CNTNAP2: variants seen among roughly 807,000 people sequenced by gnomAD.
The protein encoded by CNTNAP2 is contactin associated protein 2, also known as contactin-associated protein-like 2.
Under a neutral mutation model 155.2 loss-of-function variants are expected in CNTNAP2, and 98 were observed. The observed-to-expected ratio is 0.63, with a 90% CI of 0.54 to 0.75. The LOEUF (loss-of-function observed/expected upper bound fraction) is 0.75. CNTNAP2 is among the 30% of genes least tolerant of loss of function. The pLI is 0.00. For synonymous variants in CNTNAP2, 651 were observed against 631.2 expected (o/e 1.03, Z -0.47); for missense variants, 1,727 against 1,688.1 (o/e 1.02, Z -0.40).
intron 3 of CNTNAP2, among the ~76,000 whole-genome samples, chr7:147,012,069 C>A (rs1455531497): frequency 6.6e-6 from 1 of 152,190 alleles, no homozygotes; most frequent in African/African-American, 2.4e-5. Context: ...TTATGTAAAA[C>A]CATAATGAAA....
chr7:147,683,672 A>C (rs776633193), intron 13 of CNTNAP2, among the ~76,000 whole-genome samples: 2 of 151,668 alleles, frequency 1.3e-5, no homozygotes, highest in Non-Finnish European at 3.0e-5. Flanking sequence ...TACATATGGC[A>C]CATGCATTAT....
chr7:146,755,189 A>C (rs1801974133), intron 1 of CNTNAP2, among the ~76,000 whole-genome samples: 1 of 151,974 alleles, frequency 6.6e-6, no homozygotes, highest in African/African-American at 2.4e-5. Context: ...ATGTTTATTC[A>C]TTCAAAAATA....
chr7:146,684,221 T>C (rs2129170403), intron 1 of CNTNAP2, among the ~76,000 whole-genome samples: 1 of 152,204 alleles, frequency 6.6e-6, no homozygotes, highest in Admixed American at 6.5e-5. Context: ...TTGGCTACCA[T>C]ACCATATTCC....
chr7:146,772,038 G>GT (rs1802301373), intron 1 of CNTNAP2, among the ~76,000 whole-genome samples: 1 of 152,118 alleles, frequency 6.6e-6, no homozygotes, highest in Admixed American at 6.5e-5. Context: ...TCCTACAAAT[G>GT]TTTTTAGAGT....
chr7:148,273,543 A>C (rs1042782941), intron 21 of CNTNAP2, among the ~76,000 whole-genome samples: 2 of 152,214 alleles, frequency 1.3e-5, no homozygotes, highest in Non-Finnish European at 2.9e-5. Flanking sequence ...CATCGCTGTA[A>C]ATCAGAGTAA....
Position 146,646,760 on chromosome 7 carries a change from T to A in CNTNAP2, c.98-127511T>A, listed in dbSNP as rs1240334944. ...GAGTCATCAGTTCTACAAAGATATT[T>A]AACCTGTTCATGATAATCACATGCA... On this transcript the variant is annotated intron_variant, in intron 1 of 23. Coordinates refer to ENST00000361727, the MANE Select transcript of CNTNAP2 (RefSeq NM_014141.6). Among the ~76,000 whole-genome samples the A allele has an allele frequency of 2.0e-5, 3 of 152,190 alleles. No individual in the cohort carries two copies. In the East Asian group the frequency reaches 5.8e-4, roughly 29 times the overall value.
chr7:146,858,083 A>T (rs1795027127), intron 3 of CNTNAP2, among the ~76,000 whole-genome samples: 1 of 152,208 alleles, frequency 6.6e-6, no homozygotes, highest in Non-Finnish European at 1.5e-5. Context: ...AAAGGTGCTA[A>T]GGGCCTTGAC....
intron 2 of CNTNAP2, among the ~76,000 whole-genome samples, chr7:146,823,259 ATTC>A (rs1394902229): frequency 6.7e-6 from 1 of 150,008 alleles, no homozygotes; most frequent in African/African-American, 2.4e-5. Flanking sequence ...AAATATACTC[ATTC>A]TTCAGTATAA....
rs543122912 is a variant in CNTNAP2, at chr7:148,153,436, T to G, written c.2773+5727T>G. On this transcript the variant is annotated intron_variant, in intron 17 of 23. Coordinates refer to ENST00000361727, the MANE Select transcript of CNTNAP2 (RefSeq NM_014141.6). ...GAAAGAAAAAAAGCACTTGCTGGTATTTGTCTGAAAAGTGCAGGAAACTTT... is the reference window on the plus strand; with the variant it reads ...GAAAGAAAAAAAGCACTTGCTGGTAGTTGTCTGAAAAGTGCAGGAAACTTT... Among the ~76,000 whole-genome samples the G allele has an allele frequency of 2.6e-5, 4 of 152,288 alleles. No homozygotes were observed. In the East Asian group the frequency reaches 7.7e-4, roughly 29 times the overall value.
At chr7:147,993,457 C>A (rs1195992183) in intron 15 of CNTNAP2, among the ~76,000 whole-genome samples, 1 of 152,150 alleles carries the variant, frequency 6.6e-6, no homozygotes, top group Non-Finnish European at 1.5e-5. Flanking sequence ...TGAGTGTTTT[C>A]TTTGCCTGCA....
chr7:148,173,366 G>A (rs1794866446), intron 18 of CNTNAP2, among the ~76,000 whole-genome samples: 1 of 152,204 alleles, frequency 6.6e-6, no homozygotes, highest in Non-Finnish European at 1.5e-5. Context: ...TATGGGTAAA[G>A]TTTTCTGTGA....
intron 1 of CNTNAP2, among the ~76,000 whole-genome samples, chr7:146,247,883 G>A (rs1799688178): frequency 6.6e-6 from 1 of 152,134 alleles, no homozygotes; most frequent in South Asian, 2.1e-4. Context: ...GAGACACGGA[G>A]AAGGGTTGGG....
chr7:147,948,658 C>T (rs952209598), intron 14 of CNTNAP2, among the ~76,000 whole-genome samples: 1 of 148,572 alleles, frequency 6.7e-6, no homozygotes, highest in Non-Finnish European at 1.5e-5. Context: ...CACACACACA[C>T]ATATATATAT....
intron 1 of CNTNAP2, among the ~76,000 whole-genome samples, chr7:146,243,956 T>A (rs2462827): frequency 6.6e-6 from 1 of 151,776 alleles, no homozygotes; most frequent in African/African-American, 2.4e-5. Context: ...TTAGGGGCGG[T>A]GTGGGAACCT....
chr7:147,576,043 G>A (rs895745318), intron 12 of CNTNAP2, among the ~76,000 whole-genome samples: 6 of 151,820 alleles, frequency 4.0e-5, no homozygotes, highest in Non-Finnish European at 8.8e-5. Context: ...CTTTTTAATA[G>A]GTTGAAACAT....
chr7:148,320,279 C>A (rs543714108), intron 21 of CNTNAP2, among the ~76,000 whole-genome samples: 1 of 151,868 alleles, frequency 6.6e-6, no homozygotes, highest in South Asian at 2.1e-4. Flanking sequence ...TTTTTGTTTG[C>A]CTGTTTTTTT....
At chr7:147,010,330 T>C (rs927851024) in intron 3 of CNTNAP2, among the ~76,000 whole-genome samples, 1 of 151,888 alleles carries the variant, frequency 6.6e-6, no homozygotes, top group Non-Finnish European at 1.5e-5. Flanking sequence ...TTCTTTAGTA[T>C]CATTTTTGAT....
chr7:147,614,217 A>T (rs1801241489), intron 12 of CNTNAP2, among the ~76,000 whole-genome samples: 2 of 152,112 alleles, frequency 1.3e-5, no homozygotes, highest in Admixed American at 1.3e-4. Flanking sequence ...TTAAATACAA[A>T]TTTTTTCCAC....
chr7:148,249,706 C>T (rs1405235227), intron 20 of CNTNAP2, among the ~76,000 whole-genome samples: 2 of 152,194 alleles, frequency 1.3e-5, no homozygotes, highest in African/African-American at 4.8e-5. Flanking sequence ...TCCATCCTTC[C>T]AGCTGGTCAG....
Sources: allele counts gnomAD v4.1 joint callset (sites outside exome capture counted in the v4.1 genomes callset), GRCh38; gene constraint gnomAD v4.1.1; transcripts MANE v1.5; gene names NCBI Gene and HGNC (gene_info 2026-07-23, HGNC 2026-07-21).